Variants in ROBO2 observed in about 807,000 individuals in gnomAD.
The protein encoded by ROBO2 is roundabout guidance receptor 2.
A neutral mutation model predicts 160.8 loss-of-function variants in ROBO2; 53 were observed. The observed-to-expected ratio is 0.33, with a 90% CI of 0.26 to 0.41. The LOEUF (loss-of-function observed/expected upper bound fraction) is 0.41. ROBO2 is among the 10% of genes least tolerant of loss of function. The pLI is 1.00. For missense variants in ROBO2, 1,577 were observed against 1,722.4 expected (o/e 0.92, Z 1.49); for synonymous variants, 664 against 611.7 (o/e 1.09, Z -1.26).
chr3:76,009,412 A>C (rs2066131336), intron 2 of ROBO2, among the ~76,000 whole-genome samples: 1 of 152,138 alleles, frequency 6.6e-6, no homozygotes, highest in Admixed American at 6.5e-5. Flanking sequence ...TGAAGATCCG[A>C]TTCTCTTACA....
At chr3:76,495,213 C>A (rs1191075354) in intron 2 of ROBO2, among the ~76,000 whole-genome samples, 1 of 136,298 alleles carries the variant, frequency 7.3e-6, no homozygotes, top group Admixed American at 7.5e-5. Flanking sequence ...TCTTCATTTC[C>A]TTTTTTTTTT....
chr3:77,640,334 C>T (rs373642912), intron 24 of ROBO2, among the ~76,000 whole-genome samples: 2 of 152,154 alleles, frequency 1.3e-5, no homozygotes, highest in East Asian at 3.9e-4. Context: ...AGGATGGTCT[C>T]GATCTCTTGA....
At chr3:76,261,202 GT>G (rs1706732273) in intron 2 of ROBO2, among the ~76,000 whole-genome samples, 1 of 67,134 alleles carries the variant, frequency 1.5e-5, no homozygotes, top group Non-Finnish European at 5.1e-5. Flanking sequence ...GTGTGTGTGT[GT>G]ATATATATAT....
At chr3:77,533,066 G>A (rs1559556619) in intron 6 of ROBO2, among the ~76,000 whole-genome samples, 1 of 152,130 alleles carries the variant, frequency 6.6e-6, no homozygotes, top group Non-Finnish European at 1.5e-5. Context: ...TAGCTCTGAA[G>A]ACTAGAGTTT....
At chr3:77,303,056 C>A (rs2062793693) in intron 2 of ROBO2, among the ~76,000 whole-genome samples, 2 of 152,098 alleles carry the variant, frequency 1.3e-5, no homozygotes, top group Non-Finnish European at 2.9e-5. Flanking sequence ...TCAATCCTTC[C>A]ATAGACGGAT....
intron 2 of ROBO2, among the ~76,000 whole-genome samples, chr3:76,564,627 G>A (rs1250549647): frequency 6.6e-6 from 1 of 152,206 alleles, no homozygotes; most frequent in Non-Finnish European, 1.5e-5. Flanking sequence ...CAGGCTCTGT[G>A]AGGCCATGAC....
rs149866083 is a variant in ROBO2, at chr3:76,048,978, C to T, written c.109+111376C>T. On this transcript the variant is annotated intron_variant, in intron 2 of 26. Transcript: ENST00000487694. ...CTTGAATAAGGTTCAAAGCATGCAACGCTAAACAACATATTAGAGGCACAT... is the reference window on the plus strand; with the variant it reads ...CTTGAATAAGGTTCAAAGCATGCAATGCTAAACAACATATTAGAGGCACAT... 8.8e-3 allele frequency among the ~76,000 whole-genome samples: 1,342 copies of T among 152,068 alleles called. 8 individuals are homozygous for T. Among genetic ancestry groups the T allele is most frequent in the Non-Finnish European group, 0.015 (1,012 of 67,990 alleles).
chr3:75,987,863 A>G (rs1487398478), intron 2 of ROBO2, among the ~76,000 whole-genome samples: 1 of 152,050 alleles, frequency 6.6e-6, no homozygotes, highest in African/African-American at 2.4e-5. Context: ...GTGTTGGACC[A>G]TGCTTAGATT....
chr3:75,941,030 G>A (rs1297309218), intron 2 of ROBO2, among the ~76,000 whole-genome samples: 2 of 152,112 alleles, frequency 1.3e-5, no homozygotes, highest in African/African-American at 4.8e-5. Flanking sequence ...GGTTCATATG[G>A]TCCTCTCATC....
chr3:77,151,303 T>C (rs948042869), intron 2 of ROBO2, among the ~76,000 whole-genome samples: 2 of 152,100 alleles, frequency 1.3e-5, no homozygotes, highest in African/African-American at 4.8e-5. Flanking sequence ...AAATATTCAG[T>C]GATGCTAACT....
chr3:76,611,823 G>A (rs1006663530), intron 2 of ROBO2, among the ~76,000 whole-genome samples: 2 of 151,772 alleles, frequency 1.3e-5, no homozygotes, highest in African/African-American at 4.8e-5. Context: ...GATTGCTCTT[G>A]CTTTTCTAGT....
At chr3:77,005,905 T>C (rs1355619208) in intron 2 of ROBO2, among the ~76,000 whole-genome samples, 6 of 152,166 alleles carry the variant, frequency 3.9e-5, no homozygotes, top group African/African-American at 1.4e-4. Context: ...AATATATTGG[T>C]TTTCTGAATT....
chr3:76,860,107 C>A (rs569647433), intron 2 of ROBO2, among the ~76,000 whole-genome samples: 4 of 152,208 alleles, frequency 2.6e-5, no homozygotes, highest in African/African-American at 4.8e-5. Context: ...GATCTAAAGA[C>A]AATTATCCTC....
At chr3:77,168,789 T>C (rs2079348909) in intron 2 of ROBO2, among the ~76,000 whole-genome samples, 1 of 152,172 alleles carries the variant, frequency 6.6e-6, no homozygotes, top group South Asian at 2.1e-4. Context: ...TTACCTCTGC[T>C]TTCTACCGAA....
At chr3:76,665,808 C>T (rs2091995445) in intron 2 of ROBO2, among the ~76,000 whole-genome samples, 1 of 148,450 alleles carries the variant, frequency 6.7e-6, no homozygotes, top group South Asian at 2.1e-4. Flanking sequence ...GAATATGGTG[C>T]TTTTTAAAGC....
At chr3:76,343,556 G>A (rs1358136376) in intron 2 of ROBO2, among the ~76,000 whole-genome samples, 1 of 151,312 alleles carries the variant, frequency 6.6e-6, no homozygotes, top group East Asian at 2.0e-4. Flanking sequence ...CGTAACTGCG[G>A]TTTTTGCCAT....
intron 2 of ROBO2, among the ~76,000 whole-genome samples, chr3:76,058,816 C>G (rs1188468814): frequency 3.0e-5 from 3 of 100,234 alleles, no homozygotes; most frequent in Non-Finnish European, 5.5e-5. Context: ...CACCCCACAA[C>G]AGGCCCCAGT....
chr3:76,142,940 C>A (rs200844983), intron 2 of ROBO2, among the ~76,000 whole-genome samples: 1 of 149,264 alleles, frequency 6.7e-6, no homozygotes, highest in Non-Finnish European at 1.5e-5. Context: ...TACTATGTAC[C>A]CACAAAAATA....
At chr3:77,126,789 T>G (rs2150318532) in intron 2 of ROBO2, among the ~76,000 whole-genome samples, 1 of 133,900 alleles carries the variant, frequency 7.5e-6, no homozygotes, top group Non-Finnish European at 1.6e-5. Context: ...CTTCTTTTTT[T>G]TTTTTTTTTT....
Sources: gnomAD v4.1 joint callset for allele counts (sites outside exome capture counted in the v4.1 genomes callset) on GRCh38, gnomAD v4.1.1 for gene constraint, MANE v1.5 for transcripts, NCBI Gene and HGNC (gene_info 2026-07-23, HGNC 2026-07-21) for gene names.